The following ZFHX3 variants were observed in gnomAD, a reference collection of about 807,000 sequenced individuals.
ZFHX3 encodes zinc finger homeobox 3.
A neutral mutation model predicts 279.1 loss-of-function variants in ZFHX3; 42 were observed. The observed-to-expected ratio is 0.15, with a 90% CI of 0.12 to 0.19. The LOEUF (loss-of-function observed/expected upper bound fraction) is 0.19, where lower values mean the gene tolerates loss of function less well. Among genes scored for constraint, ZFHX3 ranks in the 10% least tolerant of loss-of-function variants. The pLI is 1.00. For synonymous variants in ZFHX3, 2,293 were observed against 1,957.8 expected (o/e 1.17, Z -4.52); for missense variants, 4,981 against 4,754.0 (o/e 1.05, Z -1.40).
At chr16:73,260,680 G>GTTTTTTTTTT (rs370384540) in intron 4 of ZFHX3, among the ~76,000 whole-genome samples, 1 of 88,406 alleles carries the variant, frequency 1.1e-5, no homozygotes, top group Non-Finnish European at 2.1e-5. Context: ...CACCTATCTG[G>GTTTTTTTTTT]TTTTTTTTTT....
chr16:73,494,812 C>T (rs1186158065), intron 2 of ZFHX3, among the ~76,000 whole-genome samples: 1 of 152,034 alleles, frequency 6.6e-6, no homozygotes, highest in Non-Finnish European at 1.5e-5. Context: ...AGGTGATCTG[C>T]CCACCTTGGC....
At position 72,798,468 on chromosome 16, in the gene ZFHX3, T is replaced by C; in HGVS notation, c.4214A>G (p.Gln1405Arg). Reference sequence around the variant, plus strand: ...AATGGTCTTGAAGGCCAGGCTACACTGATTACAGCGGTACTTGTACACATG... The same window carrying C: ...AATGGTCTTGAAGGCCAGGCTACACCGATTACAGCGGTACTTGTACACATG... The part of the protein sequence containing the change: ...DRHVYKYRCN[Q>R]CSLAFKTIEK... Residue 1405 changes from glutamine (Q) to arginine (R), a missense_variant, in exon 9 of 10, where the codon CAG becomes CGG. Around this residue, in one of 7 missense-constraint regions of ZFHX3, gnomAD observed 1,751 missense variants for 1,770.0 expected, o/e 0.99. Transcript: ENST00000268489. 6.2e-7 allele frequency: 1 copy of C among 1,614,234 alleles called. No individual in the cohort carries two copies. Among genetic ancestry groups the C allele is most frequent in the Non-Finnish European group, 8.5e-7 (1 of 1,180,022 alleles).
intron 1 of ZFHX3, among the ~76,000 whole-genome samples, chr16:73,751,465 T>G (rs2053761510): frequency 1.3e-5 from 2 of 152,186 alleles, no homozygotes; most frequent in South Asian, 4.1e-4. Context: ...GACAACATTG[T>G]ACCTGGAAAG....
rs567408479 is a variant in ZFHX3 at position 72,787,401 on chromosome 16, C to T, written c.10875G>A (p.Ser3625=). The change falls in exon 10 of 10, where the codon TCG becomes TCA. Residue 3625 remains serine, a synonymous_variant. Coordinates refer to ENST00000268489, the MANE Select transcript of ZFHX3 (RefSeq NM_006885.4). ...KSWPQVVSRA[S]AAKPPSFPPL... is the part of the protein sequence containing the mutation. The stretch of plus-strand genomic sequence containing the variant: ...GAGGAAAAGAAGGGGGCTTCGCTGC[C>T]GAAGCCCGGGAGACCACTTGCGGCC... 7.5e-6 allele frequency: 12 copies of T among 1,599,786 alleles called. No individual in the cohort carries two copies. The highest frequency in any genetic ancestry group is 1.1e-5 in the South Asian group (1 of 90,162).
chr16:73,731,595 C>T (rs2053570196), intron 1 of ZFHX3, among the ~76,000 whole-genome samples: 1 of 151,794 alleles, frequency 6.6e-6, no homozygotes, highest in African/African-American at 2.4e-5. Context: ...GTTTTTTAAG[C>T]AATCACTGCA....
chr16:73,767,002 C>A (rs549829945), intron 1 of ZFHX3, among the ~76,000 whole-genome samples: 1 of 149,406 alleles, frequency 6.7e-6, no homozygotes, highest in Non-Finnish European at 1.5e-5. Context: ...CTGGCGCGAT[C>A]TCAGCTCAGT....
intron 1 of ZFHX3, among the ~76,000 whole-genome samples, chr16:73,806,470 G>C (rs1960278865): frequency 6.6e-6 from 1 of 152,146 alleles, no homozygotes; most frequent in Non-Finnish European, 1.5e-5. Flanking sequence ...ATACAGTGTT[G>C]GCCTTTGGGG....
At chr16:73,411,153 C>G (rs13333971) in intron 3 of ZFHX3, among the ~76,000 whole-genome samples, 1 of 152,166 alleles carries the variant, frequency 6.6e-6, no homozygotes, top group East Asian at 1.9e-4. Context: ...TCCGAAGAGA[C>G]TGGGAACAAC....
intron 1 of ZFHX3, among the ~76,000 whole-genome samples, chr16:72,996,049 C>A (rs915618125): frequency 6.6e-6 from 1 of 152,014 alleles, no homozygotes; most frequent in Admixed American, 6.6e-5. Flanking sequence ...GGGTGGATCA[C>A]CTGAGGTCAG....
intron 2 of ZFHX3, among the ~76,000 whole-genome samples, chr16:73,493,771 C>T (rs2019091626): frequency 6.6e-6 from 1 of 152,116 alleles, no homozygotes; most frequent in Non-Finnish European, 1.5e-5. Context: ...GTGGCAGGCT[C>T]ATGGGTGGGC....
At chr16:73,882,312 T>C (rs2030194794) in intron 1 of ZFHX3, among the ~76,000 whole-genome samples, 1 of 152,062 alleles carries the variant, frequency 6.6e-6, no homozygotes, top group South Asian at 2.1e-4. Context: ...GGACTAGTGA[T>C]GTCATCTATA....
intron 1 of ZFHX3, among the ~76,000 whole-genome samples, chr16:72,970,125 G>C (rs1962037808): frequency 6.6e-6 from 1 of 152,340 alleles, no homozygotes; most frequent in African/African-American, 2.4e-5. Flanking sequence ...TTACAGTGGA[G>C]TCGTGGAGGG....
At chr16:72,957,338 C>T (rs1014465214) in intron 2 of ZFHX3, 89 bp downstream of exon 2, 2 of 1,460,272 alleles carry the variant, frequency 1.4e-6, no homozygotes, top group African/African-American at 2.8e-5. Flanking sequence ...CCAGAGTCAA[C>T]TGAATCCACA....
chr16:73,873,695 C>G (rs1000337972), intron 1 of ZFHX3, among the ~76,000 whole-genome samples: 2 of 152,092 alleles, frequency 1.3e-5, no homozygotes, highest in African/African-American at 4.8e-5. Context: ...GGAAATTGTG[C>G]TATGACTCTT....
At chr16:73,392,991 C>A (rs117934006) in intron 3 of ZFHX3, among the ~76,000 whole-genome samples, 1 of 152,138 alleles carries the variant, frequency 6.6e-6, no homozygotes, top group African/African-American at 2.4e-5. Flanking sequence ...CCTGCCATGA[C>A]CCCCAGCTAA....
At chr16:72,991,399 G>A (rs544397710) in intron 1 of ZFHX3, among the ~76,000 whole-genome samples, 43 of 152,238 alleles carry the variant, frequency 2.8e-4, no homozygotes, top group African/African-American at 9.4e-4. Context: ...GACTGCTGTC[G>A]TGGCTAGGAG....
chr16:73,048,860 G>A (rs1482649312), upstream of ZFHX3, among the ~76,000 whole-genome samples: 1 of 152,168 alleles, frequency 6.6e-6, no homozygotes, highest in African/African-American at 2.4e-5. Flanking sequence ...GAAAAGGAGA[G>A]ATCACTAGAA....
At chr16:73,405,114 C>A (rs2017333483) in intron 3 of ZFHX3, among the ~76,000 whole-genome samples, 1 of 152,162 alleles carries the variant, frequency 6.6e-6, no homozygotes, top group African/African-American at 2.4e-5. Context: ...AGGAAGGAAA[C>A]TTTTAATCCT....
intron 1 of ZFHX3, among the ~76,000 whole-genome samples, chr16:73,843,645 T>C (rs1377535930): frequency 6.6e-6 from 1 of 152,220 alleles, no homozygotes; most frequent in Non-Finnish European, 1.5e-5. Flanking sequence ...TCTCCTCGTA[T>C]CATCTGCCTT....
Sources: allele counts gnomAD v4.1 joint callset (sites outside exome capture counted in the v4.1 genomes callset), GRCh38; gene constraint gnomAD v4.1.1; regional missense constraint gnomAD v4.1.1; transcripts MANE v1.5; gene names NCBI Gene and HGNC (gene_info 2026-07-23, HGNC 2026-07-21).